The following CFAP161 variants were observed in gnomAD, a reference collection of about 807,000 sequenced individuals.
CFAP161 encodes cilia- and flagella-associated protein 161.
Under a neutral mutation model 29.0 loss-of-function variants are expected in CFAP161, and 25 were observed. The observed-to-expected ratio is 0.86, with a 90% CI of 0.63 to 1.20. The LOEUF (loss-of-function observed/expected upper bound fraction) is 1.20. CFAP161 is among the 50% of genes most tolerant of loss of function. The pLI, the probability that CFAP161 is intolerant of heterozygous loss-of-function variation, is 0.00. For synonymous variants in CFAP161, 116 were observed against 137.4 expected, an observed-to-expected ratio of 0.84 and a Z score of 1.09; for missense variants, 367 against 371.9, an observed-to-expected ratio of 0.99 and a Z score of 0.11.
At chr15:81,120,988 T>C (rs1894565569) in intron 1 of CFAP161, among the ~76,000 whole-genome samples, 1 of 152,232 alleles carries the variant, frequency 6.6e-6, no homozygotes. Flanking sequence ...ATCAATACTT[T>C]AAGAAAATCT....
chr15:81,137,492 T>A (rs2663947), intron 3 of CFAP161, among the ~76,000 whole-genome samples: 79,863 of 152,010 alleles, frequency 0.53, 23,595 homozygotes, highest in Non-Finnish European at 0.68. Context: ...GCTACTTGTG[T>A]CACTGAAGCA....
rs1306173087 is a variant in CFAP161, at chr15:81,105,157, C to CTTCCG, written c.-141-22432_-141-22431insTCCGT. Among the ~76,000 whole-genome samples the CTTCCG allele has an allele frequency of 1.4e-3, 26 of 19,064 alleles. 1 individual carries two copies. Among genetic ancestry groups the CTTCCG allele is most frequent in the South Asian group, 3.7e-3 (2 of 536 alleles). 12.5% of individuals were successfully genotyped at this position (19,064 alleles called of 152,430 possible). Reference sequence around the variant, plus strand: ...CCCCCTCCCCTCCCTCCCTCCCTCCCTCCCTTCCTTCCTCCCTCCCTTCCT... The same window carrying CTTCCG: ...CCCCCTCCCCTCCCTCCCTCCCTCCCTTCCGTCCCTTCCTTCCTCCCTCCCTTCCT... On this transcript the variant is annotated intron_variant, in intron 1 of 4. Transcript: ENST00000560091.
intron 1 of CFAP161, among the ~76,000 whole-genome samples, chr15:81,101,432 C>T (rs933858440): frequency 8.0e-5 from 11 of 137,854 alleles, no homozygotes; most frequent in Admixed American, 5.5e-4. Flanking sequence ...GAGGCTGAGG[C>T]GGGATAATCA....
At chr15:81,133,008 A>C (rs1319085503), upstream of CFAP161, among the ~76,000 whole-genome samples, 1 of 151,476 alleles carries the variant, frequency 6.6e-6, no homozygotes, top group Non-Finnish European at 1.5e-5. Context: ...GATTCATCAG[A>C]ATGTGGGAAT....
intron 1 of CFAP161, among the ~76,000 whole-genome samples, chr15:81,122,782 G>A (rs150471086): frequency 1.6e-3 from 245 of 152,176 alleles, no homozygotes; most frequent in African/African-American, 5.5e-3. Flanking sequence ...ATGAGCCACC[G>A]TGCCTGGCCG....
At chr15:81,117,947 G>A in intron 1 of CFAP161, 1 of 459,922 alleles carries the variant, frequency 2.2e-6, no homozygotes, top group Non-Finnish European at 4.1e-6. Flanking sequence ...TGGTCCTCTG[G>A]GTCATAGGTA....
At chr15:81,116,448 A>C (rs8031354) in intron 1 of CFAP161, among the ~76,000 whole-genome samples, 12,251 of 152,160 alleles carry the variant, frequency 0.081, 1,374 homozygotes, top group African/African-American at 0.25. Flanking sequence ...CGCACGCCAT[A>C]ACGCCCAGCT....
chr15:81,123,739 G>C (rs1402322313), intron 1 of CFAP161, among the ~76,000 whole-genome samples: 1 of 152,068 alleles, frequency 6.6e-6, no homozygotes, highest in Admixed American at 6.6e-5. Context: ...AGTTCTCCTT[G>C]TTGAGATCCT....
chr15:81,141,448 GT>G (rs1191746373), intron 4 of CFAP161, among the ~76,000 whole-genome samples: 3 of 152,050 alleles, frequency 2.0e-5, no homozygotes, highest in African/African-American at 7.2e-5. Flanking sequence ...AGTTTTTTCA[GT>G]TGATTTTTTT....
At chr15:81,139,574 T>G (rs1894870355) in intron 4 of CFAP161, among the ~76,000 whole-genome samples, 1 of 152,208 alleles carries the variant, frequency 6.6e-6, no homozygotes, top group Non-Finnish European at 1.5e-5. Context: ...AATCATTTAA[T>G]GAGAGCATAA....
chr15:81,134,961 C>T (rs1894783203), intron 1 of CFAP161, among the ~76,000 whole-genome samples: 1 of 152,202 alleles, frequency 6.6e-6, no homozygotes, highest in Non-Finnish European at 1.5e-5. Flanking sequence ...TGTCAGTCAT[C>T]ATACGGTCAA....
rs370393657 is a variant in CFAP161, at chr15:81,148,318, C to A, written c.711-20C>A. 1.0e-5 allele frequency: 16 copies of A among 1,593,652 alleles called. No individual in the cohort carries two copies. The highest frequency in any genetic ancestry group is 1.2e-5 in the Non-Finnish European group (14 of 1,163,824). ...GTTGTTATTCAATTTCAAACCACAA[C>A]TGATTCTCTCTTGCTCCAGCACCTA... On this transcript the variant is annotated intron_variant, in intron 6 of 6. Coordinates refer to ENST00000286732, the MANE Select transcript of CFAP161 (RefSeq NM_173528.4).
At chr15:81,120,446 T>C (rs1006199862) in intron 1 of CFAP161, among the ~76,000 whole-genome samples, 2 of 152,144 alleles carry the variant, frequency 1.3e-5, no homozygotes, top group Non-Finnish European at 1.5e-5. Flanking sequence ...CATCAGGTCA[T>C]AACAACAGAG....
intron 1 of CFAP161, among the ~76,000 whole-genome samples, chr15:81,113,789 C>T (rs1357260740): frequency 1.3e-5 from 2 of 152,268 alleles, no homozygotes; most frequent in East Asian, 3.9e-4. Context: ...GCTTAATCTC[C>T]AGCCCCTCAC....
chr15:81,135,671 C>T (rs1446494376), intron 2 of CFAP161, among the ~76,000 whole-genome samples: 1 of 152,094 alleles, frequency 6.6e-6, no homozygotes. Context: ...CCAGCTTCAT[C>T]CATGTCCCTA....
At chr15:81,105,107 TTCCTTTCTCCCCCATACCTTTCTCCC>T (rs1567149821) in intron 1 of CFAP161, among the ~76,000 whole-genome samples, 124 of 36,592 alleles carry the variant, frequency 3.4e-3, no homozygotes, top group South Asian at 5.5e-3. Flanking sequence ...CCTCCCTCCC[TTCCTTTCTCCCCCATACCTTTCTCCC>T]CCCTCCCCTC....
intron 1 of CFAP161, among the ~76,000 whole-genome samples, chr15:81,103,996 A>C (rs1894332997): frequency 6.6e-6 from 1 of 152,120 alleles, no homozygotes; most frequent in African/African-American, 2.4e-5. Context: ...GTGAGGAAAA[A>C]CATGATTTCA....
intron 1 of CFAP161, chr15:81,127,441 C>T (rs1894655054): frequency 6.6e-6 from 1 of 152,078 alleles, no homozygotes; most frequent in African/African-American, 2.4e-5. Flanking sequence ...GAAGATATGC[C>T]TCAGAGACAG....
chr15:81,110,822 G>T (rs1019449440), intron 1 of CFAP161, among the ~76,000 whole-genome samples: 1 of 152,168 alleles, frequency 6.6e-6, no homozygotes, highest in African/African-American at 2.4e-5. Context: ...TGTTCCTGGG[G>T]ACGAATGCTG....
Sources: allele counts gnomAD v4.1 joint callset (sites outside exome capture counted in the v4.1 genomes callset), GRCh38; gene constraint gnomAD v4.1.1; transcripts MANE v1.5; gene names NCBI Gene and HGNC (gene_info 2026-07-23, HGNC 2026-07-21).